EPHA5: variants seen among roughly 807,000 people sequenced by gnomAD.
The protein encoded by EPHA5 is ephrin type-A receptor 5.
A neutral mutation model predicts 105.0 loss-of-function variants in EPHA5; 60 were observed. The ratio of observed to expected loss-of-function variants is 0.57; its 90% CI spans 0.46 to 0.71. The LOEUF is 0.71. EPHA5 is among the 30% of genes least tolerant of loss of function. EPHA5 has a pLI of 0.00. For synonymous variants in EPHA5, 513 were observed against 449.1 expected, an observed-to-expected ratio of 1.14 and a Z score of -1.80; for missense variants, 1,218 against 1,274.7, an observed-to-expected ratio of 0.96 and a Z score of 0.68.
At chr4:65,368,366 A>C (rs1472687242) in intron 8 of EPHA5, among the ~76,000 whole-genome samples, 1 of 152,168 alleles carries the variant, frequency 6.6e-6, no homozygotes, top group Admixed American at 6.6e-5. Context: ...AATGGACCTG[A>C]AAATGAAATC....
intron 14 of EPHA5, among the ~76,000 whole-genome samples, chr4:65,345,643 C>T (rs1722143309): frequency 2.6e-5 from 4 of 152,216 alleles, no homozygotes; most frequent in South Asian, 2.1e-4. Context: ...GAGAAAAGGG[C>T]TTCATCAAGG....
intron 2 of EPHA5, among the ~76,000 whole-genome samples, chr4:65,618,003 ACC>A (rs1560779718): frequency 1.1e-4 from 17 of 152,262 alleles, no homozygotes; most frequent in African/African-American, 3.8e-4. Context: ...GCTTGATCTA[ACC>A]AGTATTTTTC....
intron 3 of EPHA5, among the ~76,000 whole-genome samples, chr4:65,597,493 A>G (rs1044467957): frequency 1.5e-4 from 9 of 60,700 alleles, no homozygotes; most frequent in African/African-American, 9.0e-4. Flanking sequence ...CTTAAGGGGA[A>G]AAAAATAGCA....
At position 65,520,095 on chromosome 4, in the gene EPHA5, G is replaced by A. The variant is rs562384714; in HGVS notation, c.911-24552C>T. 2.2e-3 allele frequency among the ~76,000 whole-genome samples: 333 copies of A among 152,252 alleles called. 1 individual carries two copies. The highest frequency in any genetic ancestry group is 3.5e-3 in the South Asian group (17 of 4,826). ...GACAATCCTAAGCCAAAAGAACAAA[G>A]CTGAAGGTATCACACTATCTGACTT... On this transcript the variant is annotated intron_variant, in intron 3 of 16. Coordinates refer to ENST00000613740, the MANE Select transcript of EPHA5 (RefSeq NM_001281766.3).
At chr4:65,408,426 A>G (rs985007041) in intron 7 of EPHA5, among the ~76,000 whole-genome samples, 3 of 152,198 alleles carry the variant, frequency 2.0e-5, no homozygotes, top group African/African-American at 7.2e-5. Context: ...GAAAATATTG[A>G]AGCAATGTAA....
At chr4:65,351,782 T>C (rs1722844018) in intron 12 of EPHA5, among the ~76,000 whole-genome samples, 184 bp from the exon 13 acceptor site, 1 of 152,038 alleles carries the variant, frequency 6.6e-6, no homozygotes, top group African/African-American at 2.4e-5. Context: ...TTATTTTTCC[T>C]CTGCTTGGTC....
intron 15 of EPHA5, among the ~76,000 whole-genome samples, chr4:65,334,789 A>G (rs1160859573): frequency 6.6e-6 from 1 of 151,014 alleles, no homozygotes; most frequent in African/African-American, 2.4e-5. Flanking sequence ...ATATAAATTA[A>G]TATAATTTAG....
intron 8 of EPHA5, among the ~76,000 whole-genome samples, chr4:65,379,979 G>A (rs1217414100): frequency 6.6e-6 from 1 of 151,736 alleles, no homozygotes; most frequent in African/African-American, 2.4e-5. Context: ...CGCTTTCACA[G>A]TAACAGCTTG....
intron 1 of EPHA5, 35 bp from the exon 2 acceptor site, chr4:65,643,462 T>C: frequency 6.5e-7 from 1 of 1,532,434 alleles, no homozygotes; most frequent in Non-Finnish European, 9.0e-7. Flanking sequence ...CAGTGAAATG[T>C]ATATTATCAT....
chr4:65,429,211 A>AT (rs1400645024), intron 5 of EPHA5, among the ~76,000 whole-genome samples: 1 of 152,062 alleles, frequency 6.6e-6, no homozygotes, highest in East Asian at 1.9e-4. Context: ...AGCGTGGTGC[A>AT]TTTGGAAAAC....
Position 65,414,392 on chromosome 4 carries a change from C to T in EPHA5, c.1579G>A (p.Ala527Thr), listed in dbSNP as rs2149019923. Residue 527 changes from alanine (A) to threonine (T), a missense_variant, in exon 7 of 17, where the codon GCA becomes ACA. Physicochemically the swap from Ala to Thr is moderately conservative, Grantham distance 58. Transcript: ENST00000613740. ...ACTGAAGCTGGTTTCAAGCCCTCTG[C>T]AGTAATAGTTGTCTCTTTAGATTTG... is the stretch of plus-strand genomic sequence containing the variant. ...IIKSKETTITAEGLKPASVYV... is the reference protein window; with the variant it reads ...IIKSKETTITTEGLKPASVYV... The T allele has an allele frequency of 6.2e-7, 1 of 1,613,968 alleles. No individual in the cohort carries two copies. The highest frequency in any genetic ancestry group is 8.5e-7 in the Non-Finnish European group (1 of 1,179,886).
intron 5 of EPHA5, among the ~76,000 whole-genome samples, chr4:65,424,066 A>AGTCCC (rs1724192828): frequency 6.6e-6 from 1 of 152,152 alleles, no homozygotes; most frequent in Admixed American, 6.6e-5. Context: ...TCTAATGGTG[A>AGTCCC]GTCCCACCAT....
chr4:65,360,775 C>G (rs1002807051), intron 11 of EPHA5, among the ~76,000 whole-genome samples: 1 of 151,522 alleles, frequency 6.6e-6, no homozygotes, highest in African/African-American at 2.4e-5. Flanking sequence ...TTCTAACTAG[C>G]TTAAGATCTT....
At chr4:65,336,170 A>G (rs769095190) in intron 14 of EPHA5, 45 bp from the exon 15 acceptor site, 1 of 1,467,864 alleles carries the variant, frequency 6.8e-7, no homozygotes, top group South Asian at 1.4e-5. Context: ...CCACAAATTT[A>G]GTATAGAATA....
At position 65,494,841 on chromosome 4, in the gene EPHA5, T is replaced by A. The variant is rs191201761; in HGVS notation, c.1066+547A>T. Among the ~76,000 whole-genome samples, 51 of 152,248 alleles carry A rather than the reference T, an allele frequency of 3.3e-4. 1 individual carries two copies. The highest frequency in any genetic ancestry group is 3.4e-3 in the Middle Eastern group (1 of 294). On this transcript the variant is annotated intron_variant, in intron 4 of 16. Transcript: ENST00000613740. ...CAGTTCTCTATGTTCCTGAAATATT[T>A]CCTGTGTTCTTTTATAAATGACTTC...
At chr4:65,326,818 T>A (rs1339635620) in intron 16 of EPHA5, among the ~76,000 whole-genome samples, 1 of 151,318 alleles carries the variant, frequency 6.6e-6, no homozygotes, top group Non-Finnish European at 1.5e-5. Flanking sequence ...TCATGATTGC[T>A]ATGTGAATTA....
Position 65,320,186 on chromosome 4 carries a change from T to C in EPHA5, c.*3928A>G. On this transcript the variant is annotated 3_prime_UTR_variant, in exon 17 of 17. Coordinates refer to ENST00000613740, the MANE Select transcript of EPHA5 (RefSeq NM_001281766.3). ...TGAAAAGAAAGTTCCTATTTCTATT[T>C]TGATACATTACTATATAATTAACAG... is the stretch of plus-strand genomic sequence containing the variant. The C allele has an allele frequency of 1.3e-5, 3 of 230,230 alleles. No homozygotes were observed. Among genetic ancestry groups the C allele is most frequent in the Non-Finnish European group, 2.6e-5 (3 of 116,090 alleles). The allele number at this position is 230,230 out of a possible 1,614,324, so 14.3% of individuals were successfully genotyped here. A position where few individuals can be genotyped will look rare whatever the true frequency, so the allele number is the denominator to read the frequency against.
chr4:65,662,091 G>T (rs1404679513), intron 1 of EPHA5, among the ~76,000 whole-genome samples: 3 of 151,992 alleles, frequency 2.0e-5, no homozygotes, highest in Non-Finnish European at 4.4e-5. Context: ...TTGACTTAGT[G>T]GAGGATGGAA....
chr4:65,520,830 A>G (rs1301173922), intron 3 of EPHA5, among the ~76,000 whole-genome samples: 1 of 152,206 alleles, frequency 6.6e-6, no homozygotes, highest in Non-Finnish European at 1.5e-5. Flanking sequence ...ATGAGATACC[A>G]TCTCACACTA....
Sources: gnomAD v4.1 joint callset for allele counts (sites outside exome capture counted in the v4.1 genomes callset) on GRCh38, gnomAD v4.1.1 for gene constraint, MANE v1.5 for transcripts, NCBI Gene and HGNC (gene_info 2026-07-23, HGNC 2026-07-21) for gene names.